TESMIN: variants seen among roughly 807,000 people sequenced by gnomAD.
TESMIN encodes testis expressed metallothionein like protein, also known as CXC domain containing 2.
A neutral mutation model predicts 47.4 loss-of-function variants in TESMIN; 34 were observed. The ratio of observed to expected loss-of-function variants is 0.72; its 90% CI spans 0.55 to 0.96. The LOEUF (loss-of-function observed/expected upper bound fraction) is 0.96. Ranked by LOEUF, TESMIN falls within the 40% of genes least tolerant of loss-of-function variation. The probability of loss-of-function intolerance (pLI) is 0.00; values close to 1 mark genes in which losing one functional copy is unlikely to be tolerated. For missense variants in TESMIN, 610 were observed against 637.2 expected (o/e 0.96, Z 0.46); for synonymous variants, 278 against 258.9 (o/e 1.07, Z -0.71).
At chr11:68,721,865 A>T (rs1946207227) in intron 6 of TESMIN, among the ~76,000 whole-genome samples, 3 of 152,214 alleles carry the variant, frequency 2.0e-5, no homozygotes, top group Non-Finnish European at 4.4e-5. Context: ...GCAAAATAAG[A>T]TGGTATTGTA....
intron 6 of TESMIN, chr11:68,737,378 C>T (rs1186955776): frequency 1.9e-5 from 19 of 985,422 alleles, no homozygotes; most frequent in African/African-American, 1.6e-4. Context: ...GAGCAACCAA[C>T]GCCCTTCAGC....
At chr11:68,737,033 G>C (rs910873764) in intron 6 of TESMIN, 18 of 985,292 alleles carry the variant, frequency 1.8e-5, no homozygotes, top group Admixed American at 6.2e-5. Context: ...ATACAGCACA[G>C]AGGCAATACT....
chr11:68,708,758 C>CT (rs33995694), intron 9 of TESMIN, among the ~76,000 whole-genome samples: 85,743 of 145,896 alleles, frequency 0.59, 26,312 homozygotes, highest in East Asian at 0.76. Context: ...AAGTGAGACC[C>CT]TTTTTTTTTT....
chr11:68,715,803 T>G lies in TESMIN; in HGVS notation c.1020+34A>C, dbSNP rs771878697. The G allele has an allele frequency of 2.1e-6, 3 of 1,438,998 alleles. No homozygotes were observed. The African/African-American group carries it at 4.2e-5, about 20-fold the overall frequency. The allele number at this position is 1,438,998 out of a possible 1,614,324, so 89.1% of individuals were successfully genotyped here. A position where few individuals can be genotyped will look rare whatever the true frequency, so the allele number is the denominator to read the frequency against. On this transcript the variant is annotated intron_variant, in intron 7 of 9. Transcript: ENST00000255087. ...AACATCTCAAACAGTTTGAAATGCT[T>G]TTAAAATGCATACATTTAATGGACA...
chr11:68,728,009 G>A (rs1381432335), intron 6 of TESMIN, among the ~76,000 whole-genome samples: 2 of 152,122 alleles, frequency 1.3e-5, no homozygotes, highest in African/African-American at 2.4e-5. Context: ...ACCAACTGGC[G>A]GTTCCCTGTC....
At position 68,708,230 on chromosome 11, in the gene TESMIN, C is replaced by CA; in HGVS notation, c.*77dup. On this transcript the variant is annotated 3_prime_UTR_variant, in exon 10 of 10. Transcript: ENST00000255087. Reference sequence around the variant, plus strand: ...CTGGTTGTTGCTGCAGAGCCAGCCTCATGTTCCCCTAAACATCCTTTCTAA... The same window carrying CA: ...CTGGTTGTTGCTGCAGAGCCAGCCTCAATGTTCCCCTAAACATCCTTTCTAA... The CA allele has an allele frequency of 7.1e-7, 1 of 1,399,802 alleles. No homozygotes were observed. Among genetic ancestry groups the CA allele is most frequent in the Non-Finnish European group, 9.7e-7 (1 of 1,025,754 alleles). The allele number at this position is 1,399,802 out of a possible 1,614,324, so 86.7% of individuals were successfully genotyped here. A position where few individuals can be genotyped will look rare whatever the true frequency, so the allele number is the denominator to read the frequency against.
chr11:68,747,241 G>A lies in TESMIN; in HGVS notation c.597C>T (p.Ser199=), dbSNP rs892198923. Residue 199 remains serine (S), a synonymous_variant, in exon 3 of 10, where the codon TCC becomes TCT. Coordinates refer to ENST00000255087, the MANE Select transcript of TESMIN (RefSeq NM_004923.3). ...FPSSQELEDA[S]CCSLKKDSNP... is the part of the protein sequence containing the mutation. ...TGGAATCTTTCTTAAGAGAACAGCA[G>A]GAGGCATCCTCTAGTTCCTGGGACG... The A allele has an allele frequency of 6.2e-7, 1 of 1,614,218 alleles. No individual in the cohort carries two copies. Among genetic ancestry groups the A allele is most frequent in the African/African-American group, 1.3e-5 (1 of 75,056 alleles).
chr11:68,735,607 C>T (rs1291566350), intron 6 of TESMIN, among the ~76,000 whole-genome samples: 1 of 152,178 alleles, frequency 6.6e-6, no homozygotes, highest in Admixed American at 6.5e-5. Flanking sequence ...GCAATGGAAA[C>T]ATTAGAGCAC....
chr11:68,741,751 C>A (rs1946459571), intron 5 of TESMIN, among the ~76,000 whole-genome samples: 1 of 152,156 alleles, frequency 6.6e-6, no homozygotes, highest in Non-Finnish European at 1.5e-5. Flanking sequence ...GCAGACAAAC[C>A]AACCAACCAC....
intron 6 of TESMIN, chr11:68,736,345 T>C (rs940920523): frequency 1.0e-6 from 1 of 985,464 alleles, no homozygotes; most frequent in Non-Finnish European, 1.2e-6. Context: ...CAAATGACCA[T>C]CGGGTCAGCT....
intron 6 of TESMIN, among the ~76,000 whole-genome samples, chr11:68,727,960 A>G (rs1274493928): frequency 6.6e-6 from 1 of 152,188 alleles, no homozygotes; most frequent in Non-Finnish European, 1.5e-5. Flanking sequence ...TAAGAACATG[A>G]ACTTAACTGA....
intron 6 of TESMIN, among the ~76,000 whole-genome samples, chr11:68,731,111 G>A (rs1282270344): frequency 6.6e-6 from 1 of 152,204 alleles, no homozygotes; most frequent in African/African-American, 2.4e-5. Flanking sequence ...CTTTACAGGT[G>A]TGGAGGTTCC....
intron 5 of TESMIN, 24 bp from the exon 6 acceptor site, chr11:68,738,812 T>A: frequency 6.3e-7 from 1 of 1,582,290 alleles, no homozygotes; most frequent in Non-Finnish European, 8.7e-7. Context: ...AAGGCAAGGA[T>A]ATTTTGAATT....
intron 6 of TESMIN, among the ~76,000 whole-genome samples, chr11:68,719,250 T>C (rs976905745): frequency 6.6e-6 from 1 of 152,104 alleles, no homozygotes; most frequent in Admixed American, 6.5e-5. Context: ...GAGGTTAGTG[T>C]TATGTTAGTG....
chr11:68,708,380 C>T lies in TESMIN; in HGVS notation c.1455G>A (p.Leu485=). ...CSKCLAEQMI[L]EEFGRCLSQI... ...GTGATAAGCACCTTCCAAATTCCTC[C>T]AGGATCATCTGCTCTGCCAGGCACT... Residue 485 remains leucine, a synonymous_variant, in exon 10 of 10, where the codon CTG becomes CTA. Transcript: ENST00000255087. 6.2e-7 allele frequency: 1 copy of T among 1,614,092 alleles called. No individual in the cohort carries two copies. The highest frequency in any genetic ancestry group is 8.5e-7 in the Non-Finnish European group (1 of 1,180,006).
Position 68,737,029 on chromosome 11 carries a change from C to T in TESMIN, c.917+1671G>A, listed in dbSNP as rs1946395275. 3 of 985,248 alleles carry T rather than the reference C, an allele frequency of 3.0e-6. No homozygotes were observed. In the African/African-American group the frequency reaches 5.2e-5, roughly 17 times the overall value. The allele number at this position is 985,248 out of a possible 1,614,324, so 61.0% of individuals were successfully genotyped here. A position where few individuals can be genotyped will look rare whatever the true frequency, so the allele number is the denominator to read the frequency against. ...CTTGAATGTTCTAGACACAATACAG[C>T]ACAGAGGCAATACTATTGACCAGAT... On this transcript the variant is annotated intron_variant, in intron 6 of 9. Transcript: ENST00000255087.
chr11:68,738,472 A>T (rs1166780367), intron 6 of TESMIN: 2 of 1,339,750 alleles, frequency 1.5e-6, no homozygotes, highest in African/African-American at 3.0e-5. Context: ...GAGGACAGGG[A>T]CAGATGCAGG....
chr11:68,730,994 G>T (rs114369933), intron 6 of TESMIN, among the ~76,000 whole-genome samples: 1,733 of 152,202 alleles, frequency 0.011, 29 homozygotes, highest in African/African-American at 0.04. Context: ...AGTTTCAGGG[G>T]TAAGGAACTA....
In TESMIN at chr11:68,712,246, G is replaced by A. The variant is rs72941481; in HGVS notation, c.1158+1024C>T. ...GCCAGTGAAGGTGTTTTGCAGGACA[G>A]AGGAGCTGCTGTGGGTGCGATTGGA... On this transcript the variant is annotated intron_variant, in intron 8 of 9. Transcript: ENST00000255087. 4.7e-3 allele frequency among the ~76,000 whole-genome samples: 716 copies of A among 152,376 alleles called. 4 individuals are homozygous for A. The highest frequency in any genetic ancestry group is 7.9e-3 in the Non-Finnish European group (539 of 68,036).
Sources: allele counts gnomAD v4.1 joint callset (sites outside exome capture counted in the v4.1 genomes callset), GRCh38; gene constraint gnomAD v4.1.1; transcripts MANE v1.5; gene names NCBI Gene and HGNC (gene_info 2026-07-23, HGNC 2026-07-21).